SERPINB10: variants seen among roughly 807,000 people sequenced by gnomAD.
SERPINB10 encodes the protein serpin family B member 10, also known as serpin B10.
SERPINB10 carries 35 observed loss-of-function variants against 39.1 expected under a neutral mutation model. The observed-to-expected ratio is 0.90, with a 90% CI of 0.68 to 1.19. SERPINB10 has a LOEUF of 1.19. Ranked by LOEUF, SERPINB10 falls within the 50% of genes most tolerant of loss-of-function variation. The pLI is 0.00. For missense variants in SERPINB10, 546 were observed against 460.5 expected (o/e 1.19, Z -1.70); for synonymous variants, 190 against 158.1 (o/e 1.20, Z -1.52).
intron 1 of SERPINB10, among the ~76,000 whole-genome samples, chr18:63,914,244 T>C (rs1336432436): frequency 6.6e-6 from 1 of 152,090 alleles, no homozygotes; most frequent in Non-Finnish European, 1.5e-5. Flanking sequence ...TTTTTAAATA[T>C]GGTGTTTAGC....
chr18:63,913,308 T>G (rs12327173), intron 1 of SERPINB10, among the ~76,000 whole-genome samples: 39,483 of 151,864 alleles, frequency 0.26, 5,780 homozygotes, highest in African/African-American at 0.39. Flanking sequence ...TGTTTTTTTC[T>G]TTTGGAAGTT....
At chr18:63,911,025 T>G (rs1195764569) in intron 1 of SERPINB10, among the ~76,000 whole-genome samples, 1 of 152,080 alleles carries the variant, frequency 6.6e-6, no homozygotes, top group East Asian at 1.9e-4. Flanking sequence ...GGTTTGGACT[T>G]GCATTTCTCT....
In SERPINB10 at chr18:63,920,167, G is replaced by A. The variant is rs1313144780; in HGVS notation, c.490+262G>A. ...ATCATCTCCCACTAATTCCAAAGAAGAGCCCAAGGGTAAAAAGCAGAAAAA... is the reference window on the plus strand; with the variant it reads ...ATCATCTCCCACTAATTCCAAAGAAAAGCCCAAGGGTAAAAAGCAGAAAAA... On this transcript the variant is annotated intron_variant, in intron 5 of 7. Transcript: ENST00000238508. 2.0e-5 allele frequency among the ~76,000 whole-genome samples: 3 copies of A among 151,974 alleles called. No individual in the cohort carries two copies. The East Asian group carries it at 5.8e-4, about 29-fold the overall frequency.
chr18:63,916,463 C>T (rs1484028341), intron 2 of SERPINB10, among the ~76,000 whole-genome samples: 2 of 151,518 alleles, frequency 1.3e-5, no homozygotes, highest in Admixed American at 1.3e-4. Context: ...TGGATATGAA[C>T]ACGGTTGGTA....
chr18:63,910,992 A>T (rs760099704), intron 1 of SERPINB10, among the ~76,000 whole-genome samples: 10 of 152,034 alleles, frequency 6.6e-5, no homozygotes, highest in Non-Finnish European at 1.3e-4. Context: ...CCATTCTGAC[A>T]TATACAAGGT....
At chr18:63,928,734 G>C in intron 5 of SERPINB10, among the ~76,000 whole-genome samples, 1 of 151,874 alleles carries the variant, frequency 6.6e-6, no homozygotes, top group East Asian at 1.9e-4. Context: ...GCAGTGGTTT[G>C]TAGTTCTCCT....
chr18:63,934,975 G>A lies in SERPINB10; in HGVS notation c.927G>A (p.Met309Ile). ...SYDLKSTLSS[M>I]GMSDAFSQSK... ...ATCTCAAGTCAACCCTGAGCAGTAT[G>A]GGGATGAGTGATGCCTTCAGCCAAA... The change falls in exon 8 of 8, where the codon ATG becomes ATA. Residue 309 changes from methionine to isoleucine, a missense_variant. Physicochemically the swap from Met to Ile is conservative, Grantham distance 10. Coordinates refer to ENST00000238508, the MANE Select transcript of SERPINB10 (RefSeq NM_005024.3). 1 of 1,614,230 alleles carries A rather than the reference G, an allele frequency of 6.2e-7. No individual in the cohort carries two copies. The highest frequency in any genetic ancestry group is 8.5e-7 in the Non-Finnish European group (1 of 1,180,046).
chr18:63,935,210 A>G lies in SERPINB10; in HGVS notation c.1162A>G (p.Ile388Val). Residue 388 changes from isoleucine to valine, a missense_variant, in exon 8 of 8, where the codon ATT (isoleucine) becomes GTT (valine). Physicochemically the swap from Ile to Val is conservative, Grantham distance 29 (BLOSUM62 3). Transcript: ENST00000238508. Reference protein sequence around the residue: ...FFIRHNKTNTILFYGRLCSP With the variant: ...FFIRHNKTNTVLFYGRLCSP ...CATCAGGCACAATAAAACCAACACC[A>G]TTCTTTTTTATGGAAGATTATGCTC... 1.2e-6 allele frequency: 2 copies of G among 1,600,720 alleles called. No homozygotes were observed. Among genetic ancestry groups the G allele is most frequent in the Non-Finnish European group, 1.7e-6 (2 of 1,173,818 alleles).
chr18:63,918,803 C>T (rs1031539019), intron 4 of SERPINB10, among the ~76,000 whole-genome samples: 1 of 151,916 alleles, frequency 6.6e-6, no homozygotes, highest in Non-Finnish European at 1.5e-5. Flanking sequence ...ATCTTAAAGA[C>T]AGTTTCCTTT....
chr18:63,910,721 T>C (rs1486754402), intron 1 of SERPINB10, among the ~76,000 whole-genome samples: 2 of 151,878 alleles, frequency 1.3e-5, no homozygotes, highest in African/African-American at 4.8e-5. Flanking sequence ...TAGGTTGATT[T>C]CATGTCTTTG....
intron 4 of SERPINB10, 88 bp downstream of exon 4, chr18:63,918,190 C>A: frequency 7.2e-7 from 1 of 1,390,258 alleles, no homozygotes; most frequent in Admixed American, 1.8e-5. Context: ...CTTTAGGGAT[C>A]CAGGGACAAT....
intron 1 of SERPINB10, among the ~76,000 whole-genome samples, chr18:63,911,081 G>T (rs577927819): frequency 5.9e-5 from 9 of 152,042 alleles, no homozygotes; most frequent in African/African-American, 2.2e-4. Context: ...TTGCCCACTT[G>T]TATGTCTTCT....
rs748174113 is a variant in SERPINB10 at position 63,933,056 on chromosome 18, C to G, written c.642C>G (p.Ser214Arg). ...EKPFRINETT[S>R]KPVQMMFMKK... The stretch of plus-strand genomic sequence containing the variant: ...TTTTTTGTTTTTTTTAGACTACAAG[C>G]AAACCAGTGCAAATGATGTTTATGA... The change falls in exon 7 of 8, where the codon AGC becomes AGG. Residue 214 changes from serine (S) to arginine (R), a missense_variant. Coordinates refer to ENST00000238508, the MANE Select transcript of SERPINB10 (RefSeq NM_005024.3). 4.3e-6 allele frequency: 7 copies of G among 1,612,876 alleles called. No homozygotes were observed. Among genetic ancestry groups the G allele is most frequent in the African/African-American group, 1.3e-5 (1 of 74,734 alleles).
Position 63,933,035 on chromosome 18 carries a change from TTG to T in SERPINB10, c.634-11_634-10del. On this transcript the variant is annotated splice_polypyrimidine_tract_variant and intron_variant, in intron 6 of 7. Transcript: ENST00000238508. ...CCTTGTTACCTGTTTTTTTGTTTTT[TTG>T]TTTTTTTTAGACTACAAGCAAACCA... is the stretch of plus-strand genomic sequence containing the variant. 6.2e-7 allele frequency: 1 copy of T among 1,605,488 alleles called. No individual in the cohort carries two copies. Among genetic ancestry groups the T allele is most frequent in the Non-Finnish European group, 8.5e-7 (1 of 1,177,752 alleles).
At chr18:63,931,207 G>A (rs1212184731) in intron 6 of SERPINB10, among the ~76,000 whole-genome samples, 3 of 152,172 alleles carry the variant, frequency 2.0e-5, no homozygotes, top group Non-Finnish European at 4.4e-5. Flanking sequence ...GGTATTTAGA[G>A]TCTCAACACA....
At chr18:63,925,288 C>G (rs932372150) in intron 5 of SERPINB10, among the ~76,000 whole-genome samples, 12 of 151,888 alleles carry the variant, frequency 7.9e-5, no homozygotes, top group African/African-American at 2.4e-4. Flanking sequence ...CATTTCCTAG[C>G]CCCATTTGCT....
At chr18:63,924,851 T>C (rs2050169703) in intron 5 of SERPINB10, among the ~76,000 whole-genome samples, 1 of 151,970 alleles carries the variant, frequency 6.6e-6, no homozygotes, top group Non-Finnish European at 1.5e-5. Context: ...TAGCACTGTT[T>C]CAGATACATT....
chr18:63,918,206 T>C, intron 4 of SERPINB10, 104 bp downstream of exon 4: 3 of 1,226,542 alleles, frequency 2.4e-6, no homozygotes, highest in Non-Finnish European at 3.5e-6. Flanking sequence ...ACAATCTTCA[T>C]GTGGTCAGTA....
Position 63,934,983 on chromosome 18 carries a change from G to A in SERPINB10, c.935G>A (p.Ser312Asn), listed in dbSNP as rs1156548424. 1 of 1,614,100 alleles carries A rather than the reference G, an allele frequency of 6.2e-7. No individual in the cohort carries two copies. The highest frequency in any genetic ancestry group is 2.2e-5 in the East Asian group (1 of 44,902). The change falls in exon 8 of 8, where the codon AGT (serine) becomes AAT (asparagine). Residue 312 changes from serine (S) to asparagine (N), a missense_variant. Ser to Asn is a conservative substitution (Grantham distance 46). Transcript: ENST00000238508. ...LKSTLSSMGM[S>N]DAFSQSKADF... The stretch of plus-strand genomic sequence containing the variant: ...TCAACCCTGAGCAGTATGGGGATGA[G>A]TGATGCCTTCAGCCAAAGCAAAGCT...
Sources: allele counts gnomAD v4.1 joint callset (sites outside exome capture counted in the v4.1 genomes callset), GRCh38; gene constraint gnomAD v4.1.1; transcripts MANE v1.5; gene names NCBI Gene and HGNC (gene_info 2026-07-23, HGNC 2026-07-21).